Variants in KDM6B observed in about 807,000 individuals in gnomAD.
KDM6B encodes lysine demethylase 6B.
In KDM6B, 22 loss-of-function variants were observed where a neutral mutation model predicts 150.4. That is an observed-to-expected ratio of 0.15 (90% CI 0.10 to 0.21). The LOEUF is 0.21. Ranked by LOEUF, KDM6B falls within the 10% of genes least tolerant of loss-of-function variation. The probability of loss-of-function intolerance (pLI) is 1.00; values close to 1 mark genes in which losing one functional copy is unlikely to be tolerated. For synonymous variants in KDM6B, 1,148 were observed against 921.1 expected (o/e 1.25, Z -4.46); for missense variants, 1,984 against 2,234.3 (o/e 0.89, Z 2.26).
chr17:7,854,767 T>G lies in KDM6B; in HGVS notation c.*1246T>G. The G allele has an allele frequency of 3.0e-6, 1 of 335,742 alleles. No homozygotes were observed. Among genetic ancestry groups the G allele is most frequent in the Non-Finnish European group, 5.6e-6 (1 of 179,610 alleles). The allele number at this position is 335,742 out of a possible 1,614,324, so 20.8% of individuals were successfully genotyped here. On this transcript the variant is annotated 3_prime_UTR_variant, in exon 24 of 24. Transcript: ENST00000448097. ...TTTCGGTGATTTTTGTGTGAGAATA[T>G]TAATATTAAAAATAAACGGAGAAAA...
rs1340281759 is a variant in KDM6B at position 7,853,839 on chromosome 17, C to T, written c.*318C>T. On this transcript the variant is annotated 3_prime_UTR_variant, in exon 24 of 24. Transcript: ENST00000448097. The stretch of plus-strand genomic sequence containing the variant: ...CAGGCTCCGGCGGCGGCGGGGGTCA[C>T]ATACGGGTTCCCTCACCCTGCCAGC... 4.9e-6 allele frequency: 1 copy of T among 206,038 alleles called. No individual in the cohort carries two copies. Among genetic ancestry groups the T allele is most frequent in the African/African-American group, 2.3e-5 (1 of 42,732 alleles). 12.8% of individuals were successfully genotyped at this position (206,038 alleles called of 1,614,324 possible).
In KDM6B at chr17:7,849,624, T is replaced by A. The variant is rs931169292; in HGVS notation, c.3336T>A (p.Ser1112Arg). 2.5e-6 allele frequency: 4 copies of A among 1,611,566 alleles called. No individual in the cohort carries two copies. The highest frequency in any genetic ancestry group is 2.7e-5 in the African/African-American group (2 of 74,988). The change falls in exon 12 of 24, where the codon AGT becomes AGA. Residue 1112 changes from serine (S) to arginine (R), a missense_variant. Ser to Arg is a moderately radical substitution (Grantham distance 110, BLOSUM62 -1). This residue lies in a region of KDM6B where 1,379 missense variants were observed against 1,275.6 expected (regional missense o/e 1.08). Transcript: ENST00000448097. The stretch of plus-strand genomic sequence containing the variant: ...AGATCCGGCTCATCAAGGTAGAGAG[T>A]GGTGACAAGGAGACCTTTATCGCCT... The part of the protein sequence containing the change: ...ELKIRLIKVE[S>R]GDKETFIASE...
rs868493918 is a variant in KDM6B at position 7,843,286 on chromosome 17, G to T, written c.-268-1615G>T. 9.2e-5 allele frequency among the ~76,000 whole-genome samples: 14 copies of T among 152,048 alleles called. No individual in the cohort carries two copies. The highest frequency in any genetic ancestry group is 2.9e-4 in the African/African-American group (12 of 41,386). ...GCCCCTGCCTCGGTACTCGGGTGGGGGCAGTCACGGAGGGCCATACTTGAC... is the reference window on the plus strand; with the variant it reads ...GCCCCTGCCTCGGTACTCGGGTGGGTGCAGTCACGGAGGGCCATACTTGAC... On this transcript the variant is annotated intron_variant, in intron 2 of 23. Transcript: ENST00000448097. The surrounding 1 kb of genome is among the most constrained non-coding windows in gnomAD (Gnocchi z 4.5).
chr17:7,848,192 C>G lies in KDM6B; in HGVS notation c.1904C>G (p.Pro635Arg). Reference sequence around the variant, plus strand: ...AGCCCCCGGCCCAGGGTCTCCTTCCCAAAGACCCCCGAGGTGGGGCCGGGG... The same window carrying G: ...AGCCCCCGGCCCAGGGTCTCCTTCCGAAAGACCCCCGAGGTGGGGCCGGGG... ...PESPRPRVSF[P>R]KTPEVGPGPP... The change falls in exon 12 of 24, where the codon CCA becomes CGA. Residue 635 changes from proline (P) to arginine (R), a missense_variant. Pro to Arg is a moderately radical substitution (Grantham distance 103). Coordinates refer to ENST00000448097, the MANE Select transcript of KDM6B (RefSeq NM_001348716.2). 6.2e-7 allele frequency: 1 copy of G among 1,612,040 alleles called. No homozygotes were observed. The highest frequency in any genetic ancestry group is 8.5e-7 in the Non-Finnish European group (1 of 1,179,424).
rs185963566 is a variant in KDM6B, at chr17:7,836,252, C to T, written c.-388+1902C>T. On this transcript the variant is annotated intron_variant, in intron 1 of 23. Coordinates refer to ENST00000448097, the MANE Select transcript of KDM6B (RefSeq NM_001348716.2). ...CTTTGATGTGCACCAAAACCCTTCCCATTCCTAACGTTTCCTCCTCGTTCG... is the reference window on the plus strand; with the variant it reads ...CTTTGATGTGCACCAAAACCCTTCCTATTCCTAACGTTTCCTCCTCGTTCG... Among the ~76,000 whole-genome samples the T allele has an allele frequency of 6.3e-3, 958 of 152,354 alleles. 8 individuals are homozygous for T. The highest frequency in any genetic ancestry group is 0.02 in the African/African-American group (841 of 41,586).
rs1288584086 is a variant in KDM6B, at chr17:7,846,801, C to T, written c.712-18C>T. Reference sequence around the variant, plus strand: ...GCAGGACTTGGGAATGGGATTCTCACACTCTCTTCTCTCCTAGACTGGCCT... The same window carrying T: ...GCAGGACTTGGGAATGGGATTCTCATACTCTCTTCTCTCCTAGACTGGCCT... On this transcript the variant is annotated intron_variant, in intron 9 of 23. Transcript: ENST00000448097. 3 of 1,613,604 alleles carry T rather than the reference C, an allele frequency of 1.9e-6. No homozygotes were observed. The highest frequency in any genetic ancestry group is 1.3e-5 in the African/African-American group (1 of 74,828).
chr17:7,835,147 C>T (rs1262115969), intron 1 of KDM6B, among the ~76,000 whole-genome samples: 3 of 152,116 alleles, frequency 2.0e-5, no homozygotes, highest in African/African-American at 7.2e-5. Flanking sequence ...GGCCCCCTCA[C>T]AGGAAATTGT....
At position 7,853,135 on chromosome 17, in the gene KDM6B, G is replaced by A. The variant is rs1401227933; in HGVS notation, c.4737+9G>A. The A allele has an allele frequency of 6.2e-7, 1 of 1,614,116 alleles. No homozygotes were observed. Among genetic ancestry groups the A allele is most frequent in the Admixed American group, 1.7e-5 (1 of 60,028 alleles). ...ACTGCAACGAGTGCGATGTGAGTGG[G>A]CCGGCTCTGCTGCTCTCCCTGAGTG... On this transcript the variant is annotated intron_variant, in intron 22 of 23. Coordinates refer to ENST00000448097, the MANE Select transcript of KDM6B (RefSeq NM_001348716.2).
In KDM6B at chr17:7,844,049, C is replaced by A. The variant is rs558474317; in HGVS notation, c.-268-852C>A. Among the ~76,000 whole-genome samples the A allele has an allele frequency of 7.1e-6, 1 of 140,798 alleles. No homozygotes were observed. The highest frequency in any genetic ancestry group is 1.5e-5 in the Non-Finnish European group (1 of 65,204). The allele number at this position is 140,798 out of a possible 152,430, so 92.4% of individuals were successfully genotyped here. ...CCTGTCGGGCCCCGCCCTCCTCCCT[C>A]CCTCAGGACCCCCCCCCCCGCAGTA... is the stretch of plus-strand genomic sequence containing the variant. On this transcript the variant is annotated intron_variant, in intron 2 of 23. Coordinates refer to ENST00000448097, the MANE Select transcript of KDM6B (RefSeq NM_001348716.2). This position sits in a 1 kb window ranked among gnomAD's most constrained non-coding sequence, Gnocchi z 5.9.
In KDM6B at chr17:7,843,810, G is replaced by A. The variant is rs1396026717; in HGVS notation, c.-268-1091G>A. On this transcript the variant is annotated intron_variant, in intron 2 of 23. Coordinates refer to ENST00000448097, the MANE Select transcript of KDM6B (RefSeq NM_001348716.2). The surrounding 1 kb of genome is among the most constrained non-coding windows in gnomAD (Gnocchi z 4.5). ...TGCGGGGACGCCGGGTAGGCAAGGAGGAGGCGCGGGGACGCAGCTCCTGGG... is the reference window on the plus strand; with the variant it reads ...TGCGGGGACGCCGGGTAGGCAAGGAAGAGGCGCGGGGACGCAGCTCCTGGG... Among the ~76,000 whole-genome samples, 1 of 152,160 alleles carries A rather than the reference G, an allele frequency of 6.6e-6. No individual in the cohort carries two copies. Among genetic ancestry groups the A allele is most frequent in the Non-Finnish European group, 1.5e-5 (1 of 68,014 alleles).
rs1338580025 is a variant in KDM6B at position 7,845,582 on chromosome 17, G to A, written c.28G>A (p.Ala10Thr). Residue 10 changes from alanine to threonine, a missense_variant, in exon 5 of 24, where the codon GCC becomes ACC. Ala to Thr is a moderately conservative substitution (Grantham distance 58). This residue lies in a region of KDM6B where 337 missense variants were observed against 323.9 expected (regional missense o/e 1.04). Coordinates refer to ENST00000448097, the MANE Select transcript of KDM6B (RefSeq NM_001348716.2). MHRAVDPPG[A>T]RAAREAFALG... The stretch of plus-strand genomic sequence containing the variant: ...GCATCGGGCAGTGGACCCTCCAGGG[G>A]CCCGCGCTGCACGGGAAGCCTTTGC... 6.8e-6 allele frequency: 11 copies of A among 1,614,014 alleles called. No homozygotes were observed. In the Admixed American group the frequency reaches 1.0e-4, roughly 15 times the overall value.
rs766874486 is a variant in KDM6B at position 7,847,980 on chromosome 17, C to T, written c.1692C>T (p.Ser564=). 14 of 1,612,082 alleles carry T rather than the reference C, an allele frequency of 8.7e-6. No individual in the cohort carries two copies. The highest frequency in any genetic ancestry group is 1.1e-5 in the Non-Finnish European group (13 of 1,179,426). The change falls in exon 12 of 24, where the codon AGC becomes AGT. Residue 564 remains serine, a synonymous_variant. Coordinates refer to ENST00000448097, the MANE Select transcript of KDM6B (RefSeq NM_001348716.2). The part of the protein sequence containing the change: ...SNSNSGSHSS[S]PAGPVSFPPP... ...GCAACAGTGGCAGCCACAGCAGCAGCCCTGCTGGGCCTGTGTCCTTTCCCC... is the reference window on the plus strand; with the variant it reads ...GCAACAGTGGCAGCCACAGCAGCAGTCCTGCTGGGCCTGTGTCCTTTCCCC...
chr17:7,849,707 C>T lies in KDM6B; in HGVS notation c.3419C>T (p.Ala1140Val), dbSNP rs756467996. 1 of 1,611,126 alleles carries T rather than the reference C, an allele frequency of 6.2e-7. No homozygotes were observed. The highest frequency in any genetic ancestry group is 8.5e-7 in the Non-Finnish European group (1 of 1,179,940). The change falls in exon 12 of 24, where the codon GCT (alanine) becomes GTT (valine). Residue 1140 changes from alanine to valine, a missense_variant. Ala to Val is a moderately conservative substitution (Grantham distance 64, BLOSUM62 0). This residue lies in a region of KDM6B where 1,379 missense variants were observed against 1,275.6 expected (regional missense o/e 1.08). Transcript: ENST00000448097. Reference protein sequence around the residue: ...MADLTISHCAADVVRASRNAK... With the variant: ...MADLTISHCAVDVVRASRNAK... ...GACCTCACCATCAGCCACTGTGCTGCTGACGTCGTGCGCGCCAGCAGGTGA... is the reference window on the plus strand; with the variant it reads ...GACCTCACCATCAGCCACTGTGCTGTTGACGTCGTGCGCGCCAGCAGGTGA...
rs1462539293 is a variant in KDM6B, at chr17:7,853,535, G to A, written c.*14G>A. On this transcript the variant is annotated 3_prime_UTR_variant, in exon 24 of 24. Coordinates refer to ENST00000448097, the MANE Select transcript of KDM6B (RefSeq NM_001348716.2). ...ACGTCGCGATGAGGCCGGACGCCCC[G>A]CCCGCCTGCCTGCCCGCGCAAGGCG... The A allele has an allele frequency of 1.4e-6, 2 of 1,439,264 alleles. No individual in the cohort carries two copies. Among genetic ancestry groups the A allele is most frequent in the South Asian group, 1.4e-5 (1 of 73,968 alleles). The allele number at this position is 1,439,264 out of a possible 1,614,324, so 89.2% of individuals were successfully genotyped here. A position where few individuals can be genotyped will look rare whatever the true frequency, so the allele number is the denominator to read the frequency against.
chr17:7,850,167 C>T lies in KDM6B; in HGVS notation c.3663C>T (p.Ser1221=), dbSNP rs1297705428. 6.2e-7 allele frequency: 1 copy of T among 1,613,276 alleles called. No homozygotes were observed. The highest frequency in any genetic ancestry group is 1.3e-5 in the African/African-American group (1 of 74,930). ...CAGTGATCCGGGGCCTGGCGGGCTCCCTGCGGCTCAGTGAGTATGGGGGGC... is the reference window on the plus strand; with the variant it reads ...CAGTGATCCGGGGCCTGGCGGGCTCTCTGCGGCTCAGTGAGTATGGGGGGC... ...PITVIRGLAG[S]LRLNLGLFST... The change falls in exon 14 of 24, where the codon TCC becomes TCT. Residue 1221 remains serine (S), a synonymous_variant. Transcript: ENST00000448097.
chr17:7,846,375 C>CGGG, intron 7 of KDM6B, 25 bp from the exon 8 acceptor site: 1 of 1,161,306 alleles, frequency 8.6e-7, no homozygotes. Context: ...ACATCTGCCC[C>CGGG]TGCCCCGTGT....
intron 2 of KDM6B, among the ~76,000 whole-genome samples, chr17:7,842,246 A>G (rs1007201824): frequency 1.1e-4 from 16 of 151,930 alleles, no homozygotes; most frequent in Non-Finnish European, 2.1e-4. Context: ...GGTCGGTTAA[A>G]GTCCCGAGTC....
In KDM6B at chr17:7,854,293, CG is replaced by C. The variant is rs1448475909; in HGVS notation, c.*773del. On this transcript the variant is annotated 3_prime_UTR_variant, in exon 24 of 24. Transcript: ENST00000448097. ...TGCTCAAACCCGCTCCCCTCCCCTA[CG>C]TCCTGCACTTTCTCGGACCAGTCCC... is the stretch of plus-strand genomic sequence containing the variant. 2 of 152,804 alleles carry C rather than the reference CG, an allele frequency of 1.3e-5. No homozygotes were observed. The highest frequency in any genetic ancestry group is 1.9e-4 in the East Asian group (1 of 5,178). 9.5% of individuals were successfully genotyped at this position (152,804 alleles called of 1,614,324 possible). A position where few individuals can be genotyped will look rare whatever the true frequency, so the allele number is the denominator to read the frequency against.
Position 7,843,586 on chromosome 17 carries a change from C to T in KDM6B, c.-268-1315C>T, listed in dbSNP as rs2078462434. On this transcript the variant is annotated intron_variant, in intron 2 of 23. Transcript: ENST00000448097. This position sits in a 1 kb window ranked among gnomAD's most constrained non-coding sequence, Gnocchi z 4.5. ...GGTGGAAATTTCCCCACAGCGCAGA[C>T]TTCTCTCAACGAACGCGAACTTTCC... 6.6e-6 allele frequency among the ~76,000 whole-genome samples: 1 copy of T among 152,200 alleles called. No homozygotes were observed.
Sources: allele counts gnomAD v4.1 joint callset (sites outside exome capture counted in the v4.1 genomes callset), GRCh38; gene constraint gnomAD v4.1.1; regional missense constraint gnomAD v4.1.1; non-coding constraint Gnocchi (gnomAD v3.1); transcripts MANE v1.5; gene names NCBI Gene and HGNC (gene_info 2026-07-23, HGNC 2026-07-21).